The following HPS4 variants were observed in gnomAD, a reference collection of about 807,000 sequenced individuals.
HPS4 encodes BLOC-3 complex member HPS4.
A neutral mutation model predicts 70.3 loss-of-function variants in HPS4; 44 were observed. That is an observed-to-expected ratio of 0.63 (90% CI 0.49 to 0.80). The LOEUF (loss-of-function observed/expected upper bound fraction) is 0.80, where lower values mean the gene tolerates loss of function less well. Among genes scored for constraint, HPS4 ranks in the 30% least tolerant of loss-of-function variants. HPS4 has a pLI of 0.00. For missense variants in HPS4, 873 were observed against 884.4 expected (o/e 0.99, Z 0.16); for synonymous variants, 377 against 355.9 (o/e 1.06, Z -0.67).
intron 1 of HPS4, among the ~76,000 whole-genome samples, chr22:26,482,464 CAG>C (rs1320448623): frequency 6.6e-6 from 1 of 152,134 alleles, no homozygotes; most frequent in African/African-American, 2.4e-5. Context: ...AATCAAATGA[CAG>C]GGTGAAAATG....
intron 2 of HPS4, among the ~76,000 whole-genome samples, chr22:26,481,014 T>C (rs1317425327): frequency 6.6e-6 from 1 of 152,108 alleles, no homozygotes; most frequent in African/African-American, 2.4e-5. Flanking sequence ...GGCTGCAGGG[T>C]AAGCTCAGAT....
rs1390144422 is a variant in HPS4, at chr22:26,483,653, C to G, written c.-479+21G>C. 8.2e-6 allele frequency: 3 copies of G among 364,414 alleles called. No homozygotes were observed. The Admixed American group carries it at 1.4e-4, about 18-fold the overall frequency. The allele number at this position is 364,414 out of a possible 1,614,324, so 22.6% of individuals were successfully genotyped here. On this transcript the variant is annotated intron_variant, in intron 1 of 13. Coordinates refer to ENST00000398145, the MANE Select transcript of HPS4 (RefSeq NM_022081.6). ...GGGCCCGCCCCTCGGTATCCCCGCG[C>G]TCCGAGCGCCGCCCACCCACCGGAG...
chr22:26,452,002 GCGCACACACACACACACACACACA>G lies in HPS4; in HGVS notation c.*1207_*1230del. The G allele has an allele frequency of 1.2e-5, 1 of 85,790 alleles. No individual in the cohort carries two copies. 5.3% of individuals were successfully genotyped at this position (85,790 alleles called of 1,614,324 possible). A position where few individuals can be genotyped will look rare whatever the true frequency, so the allele number is the denominator to read the frequency against. The stretch of plus-strand genomic sequence containing the variant: ...GCCCACGTTACGCGCGCGCGCGCGC[GCGCACACACACACACACACACACA>G]CACACACACACACACACTGTCTTAA... On this transcript the variant is annotated 3_prime_UTR_variant, in exon 14 of 14. Transcript: ENST00000398145.
intron 13 of HPS4, among the ~76,000 whole-genome samples, 156 bp downstream of exon 13, chr22:26,457,703 G>T (rs1017357486): frequency 6.6e-6 from 1 of 152,230 alleles, no homozygotes; most frequent in African/African-American, 2.4e-5. Flanking sequence ...AACAGTGGAT[G>T]ATGGCGGCAA....
intron 1 of HPS4, among the ~76,000 whole-genome samples, chr22:26,483,194 T>C (rs2091471625): frequency 6.6e-6 from 1 of 152,198 alleles, no homozygotes; most frequent in African/African-American, 2.4e-5. Flanking sequence ...GGAGGGGGTA[T>C]CTCTGTTACT....
At chr22:26,450,778 G>C (rs2085126095), downstream of HPS4, among the ~76,000 whole-genome samples, 1 of 152,168 alleles carries the variant, frequency 6.6e-6, no homozygotes, top group Non-Finnish European at 1.5e-5. Flanking sequence ...ACTTCTCTTT[G>C]CTGCCACCAT....
In HPS4 at chr22:26,458,575, G is replaced by A; in HGVS notation, c.1716C>T (p.Tyr572=). 1.9e-6 allele frequency: 3 copies of A among 1,614,038 alleles called. No individual in the cohort carries two copies. The highest frequency in any genetic ancestry group is 2.5e-6 in the Non-Finnish European group (3 of 1,179,990). The change falls in exon 12 of 14, where the codon TAC becomes TAT. Residue 572 remains tyrosine, a splice_region_variant and synonymous_variant. Transcript: ENST00000398145. The part of the protein sequence containing the change: ...LGDSAAIEEV[Y]HSSLASLNGL... ...CATTCAGTGAAGCCAGGCTGCTGTG[G>A]TACTGCAAAGGGGGAGAGGGTCATG... is the stretch of plus-strand genomic sequence containing the variant.
intron 7 of HPS4, 57 bp downstream of exon 7, chr22:26,470,662 T>C (rs1269312508): frequency 2.6e-6 from 4 of 1,547,458 alleles, no homozygotes; most frequent in Non-Finnish European, 3.6e-6. Context: ...AGGTGGCTGA[T>C]GGTCAGTTGT....
At chr22:26,479,533 C>T (rs2091042414) in intron 2 of HPS4, 178 bp from the exon 3 acceptor site, 5 of 1,421,496 alleles carry the variant, frequency 3.5e-6, no homozygotes, top group Middle Eastern at 4.2e-4. Flanking sequence ...ATTCTGTAAG[C>T]GCAGGAAATT....
At chr22:26,464,875 G>A (rs1260937571) in intron 10 of HPS4, 49 bp from the exon 11 acceptor site, 2 of 1,515,144 alleles carry the variant, frequency 1.3e-6, no homozygotes, top group African/African-American at 2.8e-5. Flanking sequence ...CAGACTGCAG[G>A]GCAAGTGCCC....
intron 13 of HPS4, among the ~76,000 whole-genome samples, chr22:26,457,160 C>T (rs2086279675): frequency 6.8e-6 from 1 of 147,854 alleles, no homozygotes; most frequent in South Asian, 2.1e-4. Context: ...AAATGTTTTA[C>T]TTGATACATT....
At position 26,481,735 on chromosome 22, in the gene HPS4, T is replaced by G; in HGVS notation, c.28A>C (p.Lys10Gln). 6.2e-7 allele frequency: 1 copy of G among 1,614,190 alleles called. No homozygotes were observed. Among genetic ancestry groups the G allele is most frequent in the Non-Finnish European group, 8.5e-7 (1 of 1,180,000 alleles). Reference protein sequence around the residue: MATSTSTEAKSASWWNYFFL... With the variant: MATSTSTEAQSASWWNYFFL... Reference sequence around the variant, plus strand: ...CTTGTTACTCACCACGAGGCTGACTTTGCCTCTGTGGAGGTAGAGGTGGCC... The same window carrying G: ...CTTGTTACTCACCACGAGGCTGACTGTGCCTCTGTGGAGGTAGAGGTGGCC... Residue 10 changes from lysine to glutamine, a missense_variant, in exon 2 of 14, where the codon AAG (lysine) becomes CAG (glutamine). By Grantham distance (53) the Lys-to-Gln change is moderately conservative. Transcript: ENST00000398145.
intron 3 of HPS4, among the ~76,000 whole-genome samples, chr22:26,445,470 C>T (rs1292602625): frequency 6.6e-6 from 1 of 152,126 alleles, no homozygotes; most frequent in Non-Finnish European, 1.5e-5. Context: ...AGCAATGGGA[C>T]TAGTGGGGTG....
At chr22:26,458,300 G>T in intron 12 of HPS4, 145 bp downstream of exon 12, 1 of 997,558 alleles carries the variant, frequency 1.0e-6, no homozygotes, top group Non-Finnish European at 1.6e-6. Flanking sequence ...GTGGGACTGG[G>T]CTCCCGGTGA....
chr22:26,447,657 G>A (rs575357457), downstream of HPS4, among the ~76,000 whole-genome samples: 1 of 152,190 alleles, frequency 6.6e-6, no homozygotes, highest in East Asian at 1.9e-4. Flanking sequence ...CTCCCCAGCC[G>A]AATCTTGCTA....
rs558310915 is a variant in HPS4 at position 26,463,079 on chromosome 22, G to T, written c.1713+838C>A. On this transcript the variant is annotated intron_variant, in intron 11 of 13. Transcript: ENST00000398145. ...CAAGGAAAGCCCCAAGACACCATTT[G>T]CCCTGCAGCAATTTCAACCTGCTGT... Among the ~76,000 whole-genome samples the T allele has an allele frequency of 3.3e-4, 51 of 152,314 alleles. No homozygotes were observed. The South Asian group carries it at 6.6e-3, about 20-fold the overall frequency.
Position 26,457,942 on chromosome 22 carries a change from C to T in HPS4, c.1872G>A (p.Pro624=), listed in dbSNP as rs775986716. The T allele has an allele frequency of 2.3e-5, 37 of 1,613,650 alleles. No homozygotes were observed. The highest frequency in any genetic ancestry group is 9.9e-5 in the South Asian group (9 of 91,090). The change falls in exon 13 of 14, where the codon CCG becomes CCA. Residue 624 remains proline (P), a synonymous_variant. Transcript: ENST00000398145. ...LMANLPQVAT[P]QDRRFLQAVS... is the part of the protein sequence containing the mutation. ...CGGCCTGGAGGAAGCGGCGATCCTG[C>T]GGGGTGGCCACCTGCGGCAGGTTTG...
chr22:26,444,225 A>G (rs1043099097), downstream of HPS4: 2 of 143,350 alleles, frequency 1.4e-5, no homozygotes, highest in African/African-American at 5.2e-5. Flanking sequence ...TCTGTTGCCT[A>G]TGTTTTTTTT....
chr22:26,465,671 G>T, intron 9 of HPS4, 120 bp from the exon 10 acceptor site: 1 of 793,262 alleles, frequency 1.3e-6, no homozygotes, highest in Non-Finnish European at 2.1e-6. Flanking sequence ...GGTGCTGTGA[G>T]TGCATTCCTC....
Sources: allele counts gnomAD v4.1 joint callset (sites outside exome capture counted in the v4.1 genomes callset), GRCh38; gene constraint gnomAD v4.1.1; transcripts MANE v1.5; gene names NCBI Gene and HGNC (gene_info 2026-07-23, HGNC 2026-07-21).